Variants in RTL4 observed in about 807,000 individuals in gnomAD.
RTL4 encodes retrotransposon Gag-like protein 4.
In RTL4, 4 loss-of-function variants were observed where a neutral mutation model predicts 5.3. The observed-to-expected ratio is 0.75, with a 90% CI of 0.37 to 1.72. The LOEUF is 1.72. Among genes scored for constraint, RTL4 ranks in the 40% most tolerant of loss-of-function variants. The pLI, the probability that RTL4 is intolerant of heterozygous loss-of-function variation, is 0.04. For missense variants in RTL4, 260 were observed against 227.1 expected (o/e 1.14, Z -0.93); for synonymous variants, 98 against 87.3 (o/e 1.12, Z -0.68).
chrX:112,342,835 C>T, the RTL4 span, among the ~76,000 whole-genome samples: 1 of 111,999 alleles, frequency 8.9e-6, no homozygotes, highest in Non-Finnish European at 1.9e-5. Context: ...GACGTGGTGG[C>T]TCATGCCTGT....
the RTL4 span, among the ~76,000 whole-genome samples, chrX:112,235,450 G>A: frequency 1.8e-5 from 2 of 111,418 alleles, no homozygotes; most frequent in East Asian, 2.8e-4. Flanking sequence ...GGGGCCCAAA[G>A]CAATCCCCAT....
chrX:112,237,557 G>A, the RTL4 span, among the ~76,000 whole-genome samples: 7 of 112,164 alleles, frequency 6.2e-5, no homozygotes, highest in East Asian at 2.8e-4. Context: ...AACAGCTCCC[G>A]TATTACTCTA....
At chrX:112,152,445 G>A in the RTL4 span, among the ~76,000 whole-genome samples, 3 of 111,645 alleles carry the variant, frequency 2.7e-5, no homozygotes, top group African/African-American at 9.8e-5. Context: ...GTGGACCTGT[G>A]TCTGTTTATG....
At chrX:112,250,551 T>C in the RTL4 span, among the ~76,000 whole-genome samples, 1 of 111,776 alleles carries the variant, frequency 8.9e-6, no homozygotes, top group Non-Finnish European at 1.9e-5. Context: ...TGCATTACTG[T>C]ATTGTGTGAA....
the RTL4 span, among the ~76,000 whole-genome samples, chrX:112,238,440 C>T: frequency 9.0e-6 from 1 of 111,300 alleles, no homozygotes; most frequent in Non-Finnish European, 1.9e-5. Flanking sequence ...TAAAACTATG[C>T]CCAAATAAAT....
chrX:112,124,394 A>G, the RTL4 span, among the ~76,000 whole-genome samples: 3 of 111,868 alleles, frequency 2.7e-5, no homozygotes, highest in Non-Finnish European at 5.6e-5. Context: ...AGCACTATTT[A>G]CAATAGCACA....
At chrX:112,244,053 C>G in the RTL4 span, among the ~76,000 whole-genome samples, 1 of 112,231 alleles carries the variant, frequency 8.9e-6, no homozygotes, top group Non-Finnish European at 1.9e-5. Flanking sequence ...GCACTGTGGT[C>G]TGAGCAACAG....
chrX:112,101,467 A>G, the RTL4 span, among the ~76,000 whole-genome samples: 1 of 111,622 alleles, frequency 9.0e-6, no homozygotes, highest in African/African-American at 3.2e-5. Flanking sequence ...GGCAAAATAA[A>G]GGAAAATTTG....
At chrX:112,354,619 C>A in the RTL4 span, among the ~76,000 whole-genome samples, 1 of 111,348 alleles carries the variant, frequency 9.0e-6, no homozygotes, top group South Asian at 3.8e-4. Flanking sequence ...GGAAACCTTG[C>A]CTTTCTTAGC....
the RTL4 span, among the ~76,000 whole-genome samples, chrX:112,113,604 C>T: frequency 9.0e-6 from 1 of 111,001 alleles, no homozygotes; most frequent in East Asian, 2.9e-4. Context: ...GTGACATGAG[C>T]TGGCGCTTGC....
chrX:112,413,178 T>C, the RTL4 span, among the ~76,000 whole-genome samples: 1 of 111,736 alleles, frequency 8.9e-6, no homozygotes, highest in Non-Finnish European at 1.9e-5. Context: ...CCAGTTAAAA[T>C]GGCTTACATC....
the RTL4 span, among the ~76,000 whole-genome samples, chrX:112,118,491 C>T: frequency 3.6e-5 from 4 of 111,926 alleles, no homozygotes; most frequent in Non-Finnish European, 5.6e-5. Flanking sequence ...AGTAGGGACA[C>T]GGTCAAAGAA....
the RTL4 span, among the ~76,000 whole-genome samples, chrX:112,114,778 C>T: frequency 9.0e-6 from 1 of 111,198 alleles, no homozygotes; most frequent in Non-Finnish European, 1.9e-5. Flanking sequence ...GAGAGGTCCT[C>T]TTGTGGGATG....
the RTL4 span, among the ~76,000 whole-genome samples, chrX:112,174,783 G>A: frequency 2.0e-5 from 2 of 99,584 alleles, no homozygotes; most frequent in African/African-American, 7.2e-5. Flanking sequence ...TCTAACTGGT[G>A]TGAGATGATA....
the RTL4 span, among the ~76,000 whole-genome samples, chrX:112,269,294 C>A: frequency 9.0e-6 from 1 of 111,650 alleles, no homozygotes; most frequent in African/African-American, 3.3e-5. Flanking sequence ...AATTCATAGC[C>A]CATTCCCATT....
chrX:112,258,118 C>T, the RTL4 span, among the ~76,000 whole-genome samples: 1 of 109,763 alleles, frequency 9.1e-6, no homozygotes, highest in Non-Finnish European at 1.9e-5. Context: ...GAGTGTTTTC[C>T]ATAAGTTTAA....
chrX:112,240,093 T>C, the RTL4 span, among the ~76,000 whole-genome samples: 1 of 111,950 alleles, frequency 8.9e-6, no homozygotes, highest in Non-Finnish European at 1.9e-5. Flanking sequence ...GAAAAATATT[T>C]CAACAAATAA....
the RTL4 span, among the ~76,000 whole-genome samples, chrX:112,087,977 T>A: frequency 3.6e-5 from 4 of 110,364 alleles, no homozygotes; most frequent in Non-Finnish European, 7.6e-5. Context: ...AACCTTCACC[T>A]CTATCTAGTT....
the RTL4 span, among the ~76,000 whole-genome samples, chrX:112,378,905 T>C: frequency 1.8e-5 from 2 of 112,317 alleles, no homozygotes; most frequent in African/African-American, 3.2e-5. Flanking sequence ...AGGTGGCAAA[T>C]TGATTACATC....
Sources: gnomAD v4.1 joint callset for allele counts (sites outside exome capture counted in the v4.1 genomes callset) on GRCh38, gnomAD v4.1.1 for gene constraint, MANE v1.5 for transcripts, NCBI Gene and HGNC (gene_info 2026-07-23, HGNC 2026-07-21) for gene names.